VAV3: variants seen among roughly 807,000 people sequenced by gnomAD.
VAV3 encodes the protein vav guanine nucleotide exchange factor 3.
VAV3 carries 94 observed loss-of-function variants against 131.2 expected under a neutral mutation model. The ratio of observed to expected loss-of-function variants is 0.72; its 90% confidence interval spans 0.61 to 0.85. The LOEUF (loss-of-function observed/expected upper bound fraction) is 0.85, where lower values mean the gene tolerates loss of function less well. Ranked by LOEUF, VAV3 falls within the 40% of genes least tolerant of loss-of-function variation. The pLI, the probability that VAV3 is intolerant of heterozygous loss-of-function variation, is 0.00. For missense variants in VAV3, 939 were observed against 1,002.7 expected (o/e 0.94, Z 0.86); for synonymous variants, 349 against 342.0 (o/e 1.02, Z -0.22).
chr1:107,794,748 C>A (rs1275450725), intron 2 of VAV3, among the ~76,000 whole-genome samples: 2 of 152,168 alleles, frequency 1.3e-5, no homozygotes, highest in African/African-American at 4.8e-5. Flanking sequence ...ATTTTTCAGT[C>A]ATTAGCTCCT....
intron 1 of VAV3, among the ~76,000 whole-genome samples, chr1:107,920,222 C>T (rs345314): frequency 0.8 from 122,417 of 152,156 alleles, 49,394 homozygotes; most frequent in East Asian, 0.98. Context: ...TGTGATAAAA[C>T]GGGAACAGTA....
intron 1 of VAV3, among the ~76,000 whole-genome samples, chr1:107,936,546 C>T (rs1468327670): frequency 2.6e-5 from 4 of 152,146 alleles, no homozygotes; most frequent in East Asian, 1.9e-4. Flanking sequence ...TAGCCTTAGT[C>T]GGCAACTTCT....
chr1:107,685,397 A>G (rs956130821), intron 18 of VAV3, among the ~76,000 whole-genome samples: 3 of 152,226 alleles, frequency 2.0e-5, no homozygotes, highest in Non-Finnish European at 4.4e-5. Flanking sequence ...AATTTACCTT[A>G]AATGCTTGGA....
At chr1:107,604,350 T>C (rs1652101045) in intron 22 of VAV3, among the ~76,000 whole-genome samples, 1 of 152,134 alleles carries the variant, frequency 6.6e-6, no homozygotes. Context: ...CCATCTAGTA[T>C]AAAAGAGGAA....
chr1:107,782,959 C>G lies in VAV3; in HGVS notation c.322-3467G>C, dbSNP rs374164400. On this transcript the variant is annotated intron_variant, in intron 2 of 26. Transcript: ENST00000370056. ...AGGAAATTCTGAGATACATTAACTC[C>G]CAGAAACAGACATAGCTAGTAACAA... is the stretch of plus-strand genomic sequence containing the variant. Among the ~76,000 whole-genome samples the G allele has an allele frequency of 1.1e-4, 16 of 152,072 alleles. 1 individual carries two copies. The highest frequency in any genetic ancestry group is 7.9e-4 in the Admixed American group (12 of 15,268).
At chr1:107,656,838 A>G (rs926669312) in intron 19 of VAV3, among the ~76,000 whole-genome samples, 4 of 152,112 alleles carry the variant, frequency 2.6e-5, no homozygotes, top group Non-Finnish European at 2.9e-5. Context: ...CCAAGAGTAG[A>G]AAAAGAGTAA....
At chr1:107,631,590 T>C (rs1354109135) in intron 20 of VAV3, among the ~76,000 whole-genome samples, 1 of 150,888 alleles carries the variant, frequency 6.6e-6, no homozygotes, top group African/African-American at 2.4e-5. Context: ...ACTCGTCATT[T>C]AGCATTAGGT....
intron 1 of VAV3, among the ~76,000 whole-genome samples, chr1:107,946,211 G>A (rs1674254012): frequency 6.6e-6 from 1 of 152,220 alleles, no homozygotes; most frequent in Non-Finnish European, 1.5e-5. Context: ...GTGAAAGATG[G>A]AGAGTGGAGA....
At chr1:107,607,796 C>A (rs1652414349) in intron 22 of VAV3, among the ~76,000 whole-genome samples, 1 of 152,178 alleles carries the variant, frequency 6.6e-6, no homozygotes, top group African/African-American at 2.4e-5. Flanking sequence ...ATGCAAGAGA[C>A]AAAATTTACC....
At chr1:107,954,815 G>T (rs72985459) in intron 1 of VAV3, among the ~76,000 whole-genome samples, 16,619 of 150,536 alleles carry the variant, frequency 0.11, 1,781 homozygotes, top group African/African-American at 0.28. Context: ...CATTCAGATA[G>T]GCCGATAGCC....
intron 1 of VAV3, among the ~76,000 whole-genome samples, chr1:107,899,129 C>T (rs1341993329): frequency 1.3e-5 from 2 of 152,136 alleles, no homozygotes; most frequent in African/African-American, 2.4e-5. Context: ...GTTGTCCTAC[C>T]TACAAGGGTG....
At chr1:107,590,429 T>C (rs1320204740) in intron 25 of VAV3, among the ~76,000 whole-genome samples, 1 of 152,014 alleles carries the variant, frequency 6.6e-6, no homozygotes, top group Non-Finnish European at 1.5e-5. Context: ...CAGCAAACAA[T>C]GCACCAGAAG....
chr1:107,707,515 A>C (rs1384685145), intron 15 of VAV3, among the ~76,000 whole-genome samples: 1 of 152,226 alleles, frequency 6.6e-6, no homozygotes, highest in African/African-American at 2.4e-5. Flanking sequence ...AAATCCATAT[A>C]ATAAGGGTGT....
intron 1 of VAV3, among the ~76,000 whole-genome samples, chr1:107,877,336 T>C (rs1670552678): frequency 6.6e-6 from 1 of 152,162 alleles, no homozygotes; most frequent in African/African-American, 2.4e-5. Flanking sequence ...ATCGTTTACA[T>C]AATTAAGTGC....
chr1:107,896,467 G>T (rs1671583028), intron 1 of VAV3, among the ~76,000 whole-genome samples: 1 of 152,000 alleles, frequency 6.6e-6, no homozygotes, highest in Non-Finnish European at 1.5e-5. Flanking sequence ...TGTTATTATT[G>T]TTCTGTGTTA....
intron 1 of VAV3, among the ~76,000 whole-genome samples, chr1:107,952,164 A>T (rs1674570229): frequency 6.6e-6 from 1 of 152,126 alleles, no homozygotes; most frequent in Non-Finnish European, 1.5e-5. Flanking sequence ...TTGCAGAGAC[A>T]TGGATAGCGC....
At chr1:107,637,377 C>T (rs1269468089) in intron 20 of VAV3, among the ~76,000 whole-genome samples, 2 of 152,042 alleles carry the variant, frequency 1.3e-5, no homozygotes. Flanking sequence ...AATCCTAGCA[C>T]TTTGGGAGGC....
chr1:107,609,979 A>G lies in VAV3; in HGVS notation c.1981-14T>C, dbSNP rs1652596365. The G allele has an allele frequency of 6.2e-7, 1 of 1,613,246 alleles. No homozygotes were observed. On this transcript the variant is annotated splice_polypyrimidine_tract_variant and intron_variant, in intron 21 of 26. Transcript: ENST00000370056. ...TGGTTTGGGCACCTAGGATATAAAA[A>G]AGCAAAAACAGATTAAGTTTACATA...
intron 1 of VAV3, among the ~76,000 whole-genome samples, chr1:107,885,380 T>C (rs142570031): frequency 0.012 from 1,816 of 152,132 alleles, 38 homozygotes; most frequent in African/African-American, 0.041. Context: ...TCTGTTATGC[T>C]GTAATTTGAA....
Sources: gnomAD v4.1 joint callset for allele counts (sites outside exome capture counted in the v4.1 genomes callset) on GRCh38, gnomAD v4.1.1 for gene constraint, MANE v1.5 for transcripts, NCBI Gene and HGNC (gene_info 2026-07-23, HGNC 2026-07-21) for gene names.